The following ADGRV1 variants were observed in gnomAD, a reference collection of about 807,000 sequenced individuals.
ADGRV1 encodes G-protein coupled receptor 98.
Under a neutral mutation model 596.2 loss-of-function variants are expected in ADGRV1, and 359 were observed. The ratio of observed to expected loss-of-function variants is 0.60; its 90% CI spans 0.55 to 0.66. The LOEUF is 0.66. Ranked by LOEUF, ADGRV1 falls within the 30% of genes least tolerant of loss-of-function variation. The probability of loss-of-function intolerance (pLI) is 0.00; values close to 1 mark genes in which losing one functional copy is unlikely to be tolerated. For synonymous variants in ADGRV1, 2,681 were observed against 2,679.2 expected (o/e 1.00, Z -0.02); for missense variants, 7,274 against 7,575.6 (o/e 0.96, Z 1.48).
At chr5:91,031,333 C>A (rs1241008392) in intron 85 of ADGRV1, 34 of 1,297,978 alleles carry the variant, frequency 2.6e-5, no homozygotes, top group Non-Finnish European at 3.7e-5. Flanking sequence ...CTAACAGATA[C>A]AATCCCACTC....
chr5:90,601,295 A>C (rs1761380330), intron 1 of ADGRV1, among the ~76,000 whole-genome samples: 1 of 152,108 alleles, frequency 6.6e-6, no homozygotes, highest in African/African-American at 2.4e-5. Context: ...TGTGTTAAAT[A>C]GGAACTCATA....
chr5:90,872,658 G>A (rs1354964155), intron 83 of ADGRV1, among the ~76,000 whole-genome samples: 1 of 152,018 alleles, frequency 6.6e-6, no homozygotes, highest in Non-Finnish European at 1.5e-5. Flanking sequence ...ATGTATTATT[G>A]CCTCTGCATT....
intron 32 of ADGRV1, among the ~76,000 whole-genome samples, 165 bp downstream of exon 32, chr5:90,692,951 A>G (rs1033684486): frequency 2.6e-5 from 4 of 152,292 alleles, no homozygotes; most frequent in African/African-American, 9.6e-5. Flanking sequence ...TTATTAGTAT[A>G]AAGGGCCTTT....
In ADGRV1 at chr5:91,068,400, C is replaced by T. The variant is rs762092087; in HGVS notation, c.18153-4047C>T. 1.9e-4 allele frequency among the ~76,000 whole-genome samples: 29 copies of T among 151,204 alleles called. 1 individual carries two copies. The highest frequency in any genetic ancestry group is 8.4e-4 in the South Asian group (4 of 4,776). On this transcript the variant is annotated intron_variant, in intron 85 of 89. Transcript: ENST00000405460. ...AGGAGAATGGTGTGAACCCAGGAGG[C>T]GGAACTTGCAGTGAGCCGAGATCGC...
intron 85 of ADGRV1, among the ~76,000 whole-genome samples, chr5:91,041,973 G>A (rs1388488031): frequency 6.6e-6 from 1 of 152,126 alleles, no homozygotes; most frequent in Non-Finnish European, 1.5e-5. Flanking sequence ...GCTAAAATTA[G>A]CCCTCCACTA....
At chr5:90,816,093 C>A (rs1762865457) in intron 75 of ADGRV1, among the ~76,000 whole-genome samples, 1 of 152,148 alleles carries the variant, frequency 6.6e-6, no homozygotes, top group African/African-American at 2.4e-5. Context: ...ATAGTAGCAT[C>A]TTTAGATGCT....
intron 87 of ADGRV1, among the ~76,000 whole-genome samples, chr5:91,121,380 C>T (rs554173466): frequency 7.9e-5 from 12 of 152,270 alleles, no homozygotes; most frequent in African/African-American, 2.9e-4. Context: ...ATCTTCACCA[C>T]AACCAGAAGC....
At chr5:90,590,226 A>G (rs1462215997) in intron 1 of ADGRV1, among the ~76,000 whole-genome samples, 1 of 152,198 alleles carries the variant, frequency 6.6e-6, no homozygotes, top group East Asian at 1.9e-4. Context: ...TAGTGGCTTA[A>G]ATTAATTTAC....
At chr5:90,655,465 C>G (rs1769267577) in intron 20 of ADGRV1, 1 of 152,084 alleles carries the variant, frequency 6.6e-6, no homozygotes, top group African/African-American at 2.4e-5. Flanking sequence ...TGGTTGTTTT[C>G]TGTTCTGCCT....
At position 90,914,099 on chromosome 5, in the gene ADGRV1, T is replaced by C. The variant is rs374645783; in HGVS notation, c.17856+50242T>C. 2.8e-4 allele frequency among the ~76,000 whole-genome samples: 43 copies of C among 152,310 alleles called. No individual in the cohort carries two copies. In the South Asian group the frequency reaches 5.0e-3, roughly 18 times the overall value. ...CAGTTTGAATATCCCTTATCCAAAA[T>C]GCTTGGGACCAGAAATATTTTGGAT... On this transcript the variant is annotated intron_variant, in intron 83 of 89. Transcript: ENST00000405460.
intron 89 of ADGRV1, among the ~76,000 whole-genome samples, chr5:91,163,507 T>C (rs1388167171): frequency 1.3e-5 from 2 of 152,166 alleles, no homozygotes; most frequent in Non-Finnish European, 2.9e-5. Flanking sequence ...TGGTAGTAGG[T>C]TACACCTGCC....
At chr5:90,992,551 T>C (rs961023362) in intron 85 of ADGRV1, among the ~76,000 whole-genome samples, 1 of 152,226 alleles carries the variant, frequency 6.6e-6, no homozygotes, top group East Asian at 1.9e-4. Context: ...TTGAGTAACC[T>C]TCACAGCATT....
intron 85 of ADGRV1, among the ~76,000 whole-genome samples, chr5:90,998,663 CAAT>C (rs1211768112): frequency 2.0e-5 from 3 of 152,090 alleles, no homozygotes; most frequent in East Asian, 1.9e-4. Flanking sequence ...TGGAATGACT[CAAT>C]GATATATGTA....
intron 75 of ADGRV1, 29 bp downstream of exon 75, chr5:90,815,765 G>A (rs186309525): frequency 7.3e-5 from 83 of 1,136,902 alleles, no homozygotes; most frequent in Middle Eastern, 5.8e-4. Flanking sequence ...TATGGAAGAC[G>A]TAACATTCTG....
intron 1 of ADGRV1, among the ~76,000 whole-genome samples, chr5:90,584,908 A>G (rs1758548743): frequency 6.6e-6 from 1 of 152,220 alleles, no homozygotes. Context: ...TTTTGGTTCC[A>G]TATTATAAAA....
chr5:91,154,511 G>C (rs957669603), intron 89 of ADGRV1, among the ~76,000 whole-genome samples: 2 of 152,244 alleles, frequency 1.3e-5, no homozygotes, highest in African/African-American at 4.8e-5. Flanking sequence ...CAAAGCAGAT[G>C]CAGGCCGCCT....
chr5:90,742,812 C>T (rs544980395), intron 50 of ADGRV1, among the ~76,000 whole-genome samples: 33 of 152,016 alleles, frequency 2.2e-4, no homozygotes, highest in Non-Finnish European at 3.7e-4. Flanking sequence ...AGTAAAACCA[C>T]GGGGGTTGGT....
At chr5:90,574,598 G>C (rs377486375) in intron 1 of ADGRV1, among the ~76,000 whole-genome samples, 1 of 152,178 alleles carries the variant, frequency 6.6e-6, no homozygotes, top group African/African-American at 2.4e-5. Context: ...GTTGACGCCA[G>C]CTTCATAGAG....
chr5:90,803,425 T>C (rs2150192469), intron 71 of ADGRV1, among the ~76,000 whole-genome samples: 1 of 152,286 alleles, frequency 6.6e-6, no homozygotes, highest in Non-Finnish European at 1.5e-5. Flanking sequence ...TCTGTCAATA[T>C]ATGAAAAAGA....
Sources: allele counts gnomAD v4.1 joint callset (sites outside exome capture counted in the v4.1 genomes callset), GRCh38; gene constraint gnomAD v4.1.1; transcripts MANE v1.5; gene names NCBI Gene and HGNC (gene_info 2026-07-23, HGNC 2026-07-21).